Variants in DNMT3A observed in about 807,000 individuals in gnomAD.
DNMT3A encodes the protein DNA methyltransferase 3 alpha.
Under a neutral mutation model 117.6 loss-of-function variants are expected in DNMT3A, and 267 were observed. The ratio of observed to expected loss-of-function variants is 2.27; its 90% CI spans 2.05 to 2.51. DNMT3A has a LOEUF of 2.51. Among genes scored for constraint, DNMT3A ranks in the 30% most tolerant of loss-of-function variants. The pLI, the probability that DNMT3A is intolerant of heterozygous loss-of-function variation, is 0.00. For synonymous variants in DNMT3A, 432 were observed against 474.8 expected (o/e 0.91, Z 1.17); for missense variants, 1,029 against 1,260.2 (o/e 0.82, Z 2.78).
intron 3 of DNMT3A, among the ~76,000 whole-genome samples, chr2:25,289,298 C>T (rs1406262221): frequency 6.6e-6 from 1 of 151,978 alleles, no homozygotes; most frequent in African/African-American, 2.4e-5. Context: ...TGGGGTTTCT[C>T]CATGTTGGCC....
rs1473024880 is a variant in DNMT3A, at chr2:25,304,302, A to T, written c.73-4059T>A. On this transcript the variant is annotated intron_variant, in intron 2 of 22. Transcript: ENST00000321117. This position sits in a 1 kb window ranked among gnomAD's most constrained non-coding sequence, Gnocchi z 4.3. ...TTGCTTTCCTCATCTATAAAATGGG[A>T]TGATATCTACTTCACAGTGATGTTA... 2.0e-5 allele frequency among the ~76,000 whole-genome samples: 3 copies of T among 152,140 alleles called. No homozygotes were observed. Among genetic ancestry groups the T allele is most frequent in the Non-Finnish European group, 2.9e-5 (2 of 68,028 alleles).
At chr2:25,307,348 T>A (rs991018027) in intron 2 of DNMT3A, among the ~76,000 whole-genome samples, 2 of 151,426 alleles carry the variant, frequency 1.3e-5, no homozygotes, top group African/African-American at 4.9e-5. Context: ...CTTTTTTTTT[T>A]CCCAGCCAGG....
rs983886739 is a variant in DNMT3A, at chr2:25,300,742, T to C, written c.73-499A>G. 2.2e-3 allele frequency among the ~76,000 whole-genome samples: 101 copies of C among 45,850 alleles called. 1 individual carries two copies. Among genetic ancestry groups the C allele is most frequent in the Non-Finnish European group, 3.1e-3 (77 of 25,028 alleles). The allele number at this position is 45,850 out of a possible 152,430, so 30.1% of individuals were successfully genotyped here. A position where few individuals can be genotyped will look rare whatever the true frequency, so the allele number is the denominator to read the frequency against. On this transcript the variant is annotated intron_variant, in intron 2 of 22. Coordinates refer to ENST00000321117, the MANE Select transcript of DNMT3A (RefSeq NM_022552.5). ...ATATATATATATATATATATATATATATATATATATATATATATATATATA... is the reference window on the plus strand; with the variant it reads ...ATATATATATATATATATATATATACATATATATATATATATATATATATA...
chr2:25,255,373 G>C (rs1676020979), intron 6 of DNMT3A, among the ~76,000 whole-genome samples: 1 of 152,200 alleles, frequency 6.6e-6, no homozygotes, highest in Non-Finnish European at 1.5e-5. Flanking sequence ...TCAAATAGCA[G>C]CACCATGTAA....
At chr2:25,244,845 C>T (rs1558666808) in intron 13 of DNMT3A, among the ~76,000 whole-genome samples, 193 bp from the exon 14 acceptor site, 1 of 152,174 alleles carries the variant, frequency 6.6e-6, no homozygotes, top group Non-Finnish European at 1.5e-5. Context: ...CCGCCATGGA[C>T]AGAACCAAAG....
At chr2:25,240,512 C>T (rs1192411573) in intron 18 of DNMT3A, 62 bp from the exon 19 acceptor site, 9 of 1,578,534 alleles carry the variant, frequency 5.7e-6, no homozygotes, top group Admixed American at 1.7e-5. Flanking sequence ...TGGTGTGGCT[C>T]GGGCACGGGG....
intron 1 of DNMT3A, among the ~76,000 whole-genome samples, chr2:25,333,607 A>G (rs766304461): frequency 3.5e-4 from 54 of 152,182 alleles, no homozygotes; most frequent in African/African-American, 8.4e-4. Flanking sequence ...CTGGGATTAC[A>G]GGCGTGAGCC....
chr2:25,319,416 C>T (rs562799817), intron 1 of DNMT3A, among the ~76,000 whole-genome samples: 1 of 152,272 alleles, frequency 6.6e-6, no homozygotes, highest in South Asian at 2.1e-4. Flanking sequence ...TCCCAAAGTG[C>T]TGGGATTACA....
At chr2:25,302,270 C>T (rs536804544) in intron 2 of DNMT3A, among the ~76,000 whole-genome samples, 14 of 152,160 alleles carry the variant, frequency 9.2e-5, no homozygotes, top group Non-Finnish European at 2.1e-4. Context: ...GCTGCCAACA[C>T]TGGAGACCAA....
In DNMT3A at chr2:25,236,914, G is replaced by T. The variant is rs1168117312; in HGVS notation, c.2478+22C>A. On this transcript the variant is annotated intron_variant, in intron 21 of 22. Transcript: ENST00000321117. This position sits in a 1 kb window ranked among gnomAD's most constrained non-coding sequence, Gnocchi z 4.5. ...TTCCTTCTCCCTGCCCCCCAGCAGA[G>T]GTTCTAGACGCTGGAGCTGACCTTG... The T allele has an allele frequency of 1.2e-6, 2 of 1,606,928 alleles. No homozygotes were observed. Among genetic ancestry groups the T allele is most frequent in the Non-Finnish European group, 1.7e-6 (2 of 1,177,066 alleles).
intron 3 of DNMT3A, among the ~76,000 whole-genome samples, chr2:25,283,700 C>T (rs2032069934): frequency 6.6e-6 from 1 of 152,228 alleles, no homozygotes; most frequent in African/African-American, 2.4e-5. Context: ...TGGGGTCTCT[C>T]ATTCTCCCTT....
intron 4 of DNMT3A, among the ~76,000 whole-genome samples, chr2:25,276,046 C>T (rs2031384418): frequency 6.6e-6 from 1 of 152,108 alleles, no homozygotes. Flanking sequence ...AGGGCATGTA[C>T]TGGGGGGCGG....
chr2:25,329,801 C>T (rs1354232507), intron 1 of DNMT3A, among the ~76,000 whole-genome samples: 4 of 152,178 alleles, frequency 2.6e-5, no homozygotes, highest in Admixed American at 6.5e-5. Flanking sequence ...GGTTCACACA[C>T]GCACACAGCC....
At chr2:25,333,369 G>A (rs1249617632) in intron 1 of DNMT3A, among the ~76,000 whole-genome samples, 5 of 150,446 alleles carry the variant, frequency 3.3e-5, no homozygotes, top group East Asian at 2.0e-4. Context: ...TCACTCTGTC[G>A]CCCAGGCTGG....
Position 25,313,923 on chromosome 2 carries a change from T to A in DNMT3A, c.62A>T (p.Glu21Val). The A allele has an allele frequency of 6.5e-7, 1 of 1,549,606 alleles. No individual in the cohort carries two copies. Among genetic ancestry groups the A allele is most frequent in the Non-Finnish European group, 8.7e-7 (1 of 1,146,962 alleles). The change falls in exon 2 of 23, where the codon GAG becomes GTG. Residue 21 changes from glutamate to valine, a missense_variant. Coordinates refer to ENST00000321117, the MANE Select transcript of DNMT3A (RefSeq NM_022552.5). The stretch of plus-strand genomic sequence containing the variant: ...GAGCCCGCTGCTCACCTTTCGGTCC[T>A]CCTCCCGCTCCGCAGCAGAGCTGCT... ...DTSSSAAEREEDRKDGEEQEE... is the reference protein window; with the variant it reads ...DTSSSAAEREVDRKDGEEQEE...
In DNMT3A at chr2:25,281,487, A is replaced by G. The variant is rs944137869; in HGVS notation, c.448+954T>C. On this transcript the variant is annotated intron_variant, in intron 4 of 22. Transcript: ENST00000321117. This position sits in a 1 kb window ranked among gnomAD's most constrained non-coding sequence, Gnocchi z 4.8. Reference sequence around the variant, plus strand: ...AATTTGTATTCTGGAAATGTTCTCTATCCTGCATGAACATTAGGTTGGATC... The same window carrying G: ...AATTTGTATTCTGGAAATGTTCTCTGTCCTGCATGAACATTAGGTTGGATC... The G allele has an allele frequency of 8.5e-6, 9 of 1,053,576 alleles. No homozygotes were observed. In the African/African-American group the frequency reaches 1.5e-4, roughly 17 times the overall value. The allele number at this position is 1,053,576 out of a possible 1,614,324, so 65.3% of individuals were successfully genotyped here.
rs1048658772 is a variant in DNMT3A at position 25,318,575 on chromosome 2, C to T, written c.-177-4414G>A. Among the ~76,000 whole-genome samples the T allele has an allele frequency of 7.2e-5, 11 of 152,120 alleles. No homozygotes were observed. The South Asian group carries it at 8.3e-4, about 11-fold the overall frequency. Reference sequence around the variant, plus strand: ...TGCTGGAATTACAGGTGTGAGCCACCGTGCCCAGCCAAAATTCTTAAAGAA... The same window carrying T: ...TGCTGGAATTACAGGTGTGAGCCACTGTGCCCAGCCAAAATTCTTAAAGAA... On this transcript the variant is annotated intron_variant, in intron 1 of 22. Transcript: ENST00000321117.
intron 3 of DNMT3A, among the ~76,000 whole-genome samples, chr2:25,283,820 C>T (rs566836701): frequency 9.2e-5 from 14 of 152,196 alleles, no homozygotes; most frequent in South Asian, 2.1e-4. Flanking sequence ...TGTGTCACTG[C>T]GCAGTGGACA....
intron 2 of DNMT3A, among the ~76,000 whole-genome samples, chr2:25,303,932 A>C (rs1213403538): frequency 2.0e-5 from 3 of 152,204 alleles, no homozygotes; most frequent in Non-Finnish European, 2.9e-5. Flanking sequence ...GTTTTATTCC[A>C]TATCTTTGCT....
Sources: gnomAD v4.1 joint callset for allele counts (sites outside exome capture counted in the v4.1 genomes callset) on GRCh38, gnomAD v4.1.1 for gene constraint, Gnocchi (gnomAD v3.1) non-coding constraint, MANE v1.5 for transcripts, NCBI Gene and HGNC (gene_info 2026-07-23, HGNC 2026-07-21) for gene names.